VPS13A: variants seen among roughly 807,000 people sequenced by gnomAD.
VPS13A encodes vacuolar protein sorting 13 homolog A, also known as intermembrane lipid transfer protein VPS13A.
Under a neutral mutation model 390.9 loss-of-function variants are expected in VPS13A, and 264 were observed. The ratio of observed to expected loss-of-function variants is 0.68; its 90% CI spans 0.61 to 0.75. The LOEUF is 0.75. VPS13A is among the 30% of genes least tolerant of loss of function. The pLI is 0.00. For synonymous variants in VPS13A, 1,231 were observed against 1,227.1 expected (o/e 1.00, Z -0.07); for missense variants, 3,409 against 3,733.9 (o/e 0.91, Z 2.27).
intron 22 of VPS13A, among the ~76,000 whole-genome samples, chr9:77,253,108 C>G (rs777103294): frequency 5.9e-5 from 9 of 152,146 alleles, no homozygotes; most frequent in Non-Finnish European, 1.3e-4. Flanking sequence ...ACAAGAGTTT[C>G]AATTTCTTCA....
chr9:77,218,659 T>C (rs2131171720), intron 10 of VPS13A, among the ~76,000 whole-genome samples: 1 of 151,970 alleles, frequency 6.6e-6, no homozygotes, highest in Admixed American at 6.6e-5. Flanking sequence ...TTTTTTTTTT[T>C]TGGAAAGGGA....
intron 22 of VPS13A, among the ~76,000 whole-genome samples, chr9:77,258,974 TTA>T (rs1230274631): frequency 3.9e-5 from 6 of 152,222 alleles, no homozygotes; most frequent in Admixed American, 1.3e-4. Flanking sequence ...TAGGAAGAAT[TTA>T]TGTCTTGTGA....
intron 68 of VPS13A, chr9:77,389,805 G>C (rs1367947154): frequency 6.6e-6 from 1 of 152,178 alleles, no homozygotes; most frequent in Non-Finnish European, 1.5e-5. Context: ...TGTGGGTGTA[G>C]TATAGTGTGT....
At chr9:77,403,195 TAC>T in intron 68 of VPS13A, 39 bp from the exon 69 acceptor site, 1 of 1,455,700 alleles carries the variant, frequency 6.9e-7, no homozygotes, top group Non-Finnish European at 9.6e-7. Context: ...CAGTAGGAAA[TAC>T]TATCAATTTT....
intron 17 of VPS13A, among the ~76,000 whole-genome samples, chr9:77,234,257 G>A (rs1260239459): frequency 6.6e-6 from 1 of 152,080 alleles, no homozygotes; most frequent in South Asian, 2.1e-4. Context: ...CCTCACTGCA[G>A]CCTTGAACTC....
rs1340214182 is a variant in VPS13A, at chr9:77,260,143, A to G, written c.2346A>G (p.Leu782=). ...LISLRISDKK[L]QGIMELIESI... is the part of the protein sequence containing the mutation. ...CTTTACGAATCTCAGATAAAAAACT[A>G]CAAGGGATTATGGAATTGATTGAAA... is the stretch of plus-strand genomic sequence containing the variant. The change falls in exon 23 of 72, where the codon CTA becomes CTG. Residue 782 remains leucine (L), a synonymous_variant. Transcript: ENST00000360280. The G allele has an allele frequency of 8.1e-6, 13 of 1,598,150 alleles. No individual in the cohort carries two copies. The highest frequency in any genetic ancestry group is 1.1e-5 in the Non-Finnish European group (13 of 1,166,154).
intron 50 of VPS13A, among the ~76,000 whole-genome samples, chr9:77,341,691 CTTTTTTTTTTTTTTTTT>C (rs57841628): frequency 5.3e-5 from 2 of 37,822 alleles, no homozygotes; most frequent in East Asian, 1.6e-3. Flanking sequence ...GACATCTTTC[CTTTTTTTTTTTTTTTTT>C]TTTTTTTTTT....
At chr9:77,208,738 C>T (rs145101767) in intron 5 of VPS13A, among the ~76,000 whole-genome samples, 2 of 152,130 alleles carry the variant, frequency 1.3e-5, no homozygotes, top group African/African-American at 4.8e-5. Flanking sequence ...TTAATAGAGA[C>T]GGGGTTTCGC....
At chr9:77,302,785 T>C (rs542929203) in intron 33 of VPS13A, 130 bp from the exon 34 acceptor site, 2 of 986,622 alleles carry the variant, frequency 2.0e-6, no homozygotes, top group East Asian at 2.6e-5. Context: ...CTGATAGATA[T>C]TTTCCCTTTA....
At chr9:77,198,295 T>C (rs1825119750) in intron 1 of VPS13A, among the ~76,000 whole-genome samples, 3 of 152,212 alleles carry the variant, frequency 2.0e-5, no homozygotes, top group Admixed American at 1.3e-4. Context: ...CTTTTTTGTC[T>C]GAGAAGTCTC....
intron 32 of VPS13A, among the ~76,000 whole-genome samples, chr9:77,294,793 C>G (rs1827882050): frequency 6.6e-6 from 1 of 152,112 alleles, no homozygotes; most frequent in South Asian, 2.1e-4. Context: ...CAGCCTCAAA[C>G]TCATGGGCAC....
intron 1 of VPS13A, among the ~76,000 whole-genome samples, chr9:77,185,921 G>A (rs1012521154): frequency 3.9e-5 from 6 of 152,146 alleles, no homozygotes; most frequent in African/African-American, 1.2e-4. Flanking sequence ...AAGGTTAAGA[G>A]TACGAGACCT....
chr9:77,330,063 C>T (rs1475143333), intron 45 of VPS13A, among the ~76,000 whole-genome samples: 6 of 152,152 alleles, frequency 3.9e-5, no homozygotes, highest in Non-Finnish European at 8.8e-5. Context: ...CTCTATCGCC[C>T]AGGAGTGCAG....
chr9:77,310,396 G>C (rs187609725), intron 35 of VPS13A, among the ~76,000 whole-genome samples: 1 of 152,338 alleles, frequency 6.6e-6, no homozygotes, highest in African/African-American at 2.4e-5. Context: ...CACATAGTAT[G>C]TAGGATACAG....
chr9:77,378,827 A>G (rs973873929), intron 67 of VPS13A, among the ~76,000 whole-genome samples: 2 of 151,954 alleles, frequency 1.3e-5, no homozygotes, highest in African/African-American at 2.4e-5. Context: ...ATTCACATCT[A>G]TAAATTTCCC....
At chr9:77,337,158 T>C in intron 46 of VPS13A, 97 bp from the exon 47 acceptor site, 2 of 1,179,120 alleles carry the variant, frequency 1.7e-6, no homozygotes, top group Middle Eastern at 2.9e-4. Flanking sequence ...TACAATATTA[T>C]GAAAGGAGGT....
At chr9:77,307,752 T>C (rs990224091) in intron 34 of VPS13A, among the ~76,000 whole-genome samples, 193 bp from the exon 35 acceptor site, 2 of 152,198 alleles carry the variant, frequency 1.3e-5, no homozygotes, top group Non-Finnish European at 2.9e-5. Flanking sequence ...CCTAATTTAG[T>C]TCTATATTTC....
intron 7 of VPS13A, among the ~76,000 whole-genome samples, chr9:77,212,116 C>A (rs1218624276): frequency 6.6e-6 from 1 of 152,094 alleles, no homozygotes; most frequent in Non-Finnish European, 1.5e-5. Context: ...CCATTCAGTT[C>A]GTCTCCACAT....
In VPS13A at chr9:77,358,576, G is replaced by T; in HGVS notation, c.8035+138G>T. 7 of 732,228 alleles carry T rather than the reference G, an allele frequency of 9.6e-6. 1 individual carries two copies. In the South Asian group the frequency reaches 1.1e-4, roughly 11 times the overall value. 45.4% of individuals were successfully genotyped at this position (732,228 alleles called of 1,614,324 possible). A position where few individuals can be genotyped will look rare whatever the true frequency, so the allele number is the denominator to read the frequency against. ...TGGAAAATTAAACTGCTTGAAAAAG[G>T]ACCAGCAAGTACTATACACAACTAA... is the stretch of plus-strand genomic sequence containing the variant. On this transcript the variant is annotated intron_variant, in intron 57 of 71. Coordinates refer to ENST00000360280, the MANE Select transcript of VPS13A (RefSeq NM_033305.3).
Sources: gnomAD v4.1 joint callset for allele counts (sites outside exome capture counted in the v4.1 genomes callset) on GRCh38, gnomAD v4.1.1 for gene constraint, MANE v1.5 for transcripts, NCBI Gene and HGNC (gene_info 2026-07-23, HGNC 2026-07-21) for gene names.